The following SOS2 variants were observed in gnomAD, a reference collection of about 807,000 sequenced individuals.
The protein encoded by SOS2 is SOS Ras/Rho guanine nucleotide exchange factor 2, also known as son of sevenless homolog 2.
In SOS2, 65 loss-of-function variants were observed where a neutral mutation model predicts 148.2. The observed-to-expected ratio is 0.44, with a 90% confidence interval of 0.36 to 0.54. SOS2 has a LOEUF of 0.54. SOS2 is among the 20% of genes least tolerant of loss of function. SOS2 has a pLI of 0.00. For synonymous variants in SOS2, 539 were observed against 537.1 expected (o/e 1.00, Z -0.05); for missense variants, 1,341 against 1,590.2 (o/e 0.84, Z 2.67).
Position 50,159,672 on chromosome 14 carries a change from T to G in SOS2, c.1611A>C (p.Ala537=). ...TACGATAATGAAGAGAAATAAGGGC[T>G]GCCATCCAGTTGTTTTTTTCTTCAG... ...KSAEEKNNWM[A]ALISLHYRST... Residue 537 remains alanine (A), a synonymous_variant, in exon 10 of 23, where the codon GCA becomes GCC. Transcript: ENST00000216373. The G allele has an allele frequency of 6.2e-7, 1 of 1,614,100 alleles. No individual in the cohort carries two copies. Among genetic ancestry groups the G allele is most frequent in the Non-Finnish European group, 8.5e-7 (1 of 1,179,958 alleles).
At chr14:50,199,926 A>G (rs1886432689) in intron 3 of SOS2, 71 bp from the exon 4 acceptor site, 6 of 962,016 alleles carry the variant, frequency 6.2e-6, no homozygotes, top group Non-Finnish European at 7.8e-6. Flanking sequence ...AAAAATTCCT[A>G]TTTAACATCC....
intron 2 of SOS2, among the ~76,000 whole-genome samples, chr14:50,202,824 A>G (rs1226701852): frequency 6.6e-6 from 1 of 151,842 alleles, no homozygotes; most frequent in Non-Finnish European, 1.5e-5. Flanking sequence ...GAAAATCTTA[A>G]TAGCTCAATC....
At chr14:50,174,327 T>G (rs1048813189) in intron 8 of SOS2, 127 bp downstream of exon 8, 3 of 331,574 alleles carry the variant, frequency 9.0e-6, no homozygotes, top group Non-Finnish European at 1.5e-5. Context: ...ATGTTACATA[T>G]AAAAATTATT....
At chr14:50,211,586 G>A (rs960727869) in intron 1 of SOS2, among the ~76,000 whole-genome samples, 2 of 145,160 alleles carry the variant, frequency 1.4e-5, no homozygotes, top group Non-Finnish European at 3.0e-5. Context: ...CACTCAGGAG[G>A]GAAAATTTTA....
chr14:50,128,572 T>C (rs1266566962), intron 21 of SOS2, among the ~76,000 whole-genome samples: 1 of 152,116 alleles, frequency 6.6e-6, no homozygotes, highest in Admixed American at 6.5e-5. Context: ...GAAATTCTCA[T>C]CCACCATAAG....
chr14:50,132,424 G>T lies in SOS2; in HGVS notation c.3076-1662C>A, dbSNP rs1481011196. Among the ~76,000 whole-genome samples, 3 of 151,384 alleles carry T rather than the reference G, an allele frequency of 2.0e-5. No homozygotes were observed. In the East Asian group the frequency reaches 5.8e-4, roughly 29 times the overall value. On this transcript the variant is annotated intron_variant, in intron 19 of 22. Transcript: ENST00000216373. ...ACCTGTAATCCCATCACTTTGGGAG[G>T]TCGAGGCAGGTGGATCACTTGAGGT...
At chr14:50,207,162 C>T (rs772328595) in intron 1 of SOS2, among the ~76,000 whole-genome samples, 7 of 152,130 alleles carry the variant, frequency 4.6e-5, no homozygotes, top group Non-Finnish European at 8.8e-5. Flanking sequence ...AAGATACTCT[C>T]CAATTTATTT....
At chr14:50,211,394 G>C (rs901555339) in intron 1 of SOS2, among the ~76,000 whole-genome samples, 1 of 152,054 alleles carries the variant, frequency 6.6e-6, no homozygotes, top group Non-Finnish European at 1.5e-5. Flanking sequence ...GGTATATTGT[G>C]TCATGCTGAG....
chr14:50,134,238 C>G lies in SOS2; in HGVS notation c.2960G>C (p.Arg987Thr). Residue 987 changes from arginine (R) to threonine (T), a missense_variant and splice_region_variant, in exon 19 of 23, where the codon AGA becomes ACA. Transcript: ENST00000216373. ...YCLRIEPDMR[R>T]FFENLNPMGS... Reference sequence around the variant, plus strand: ...CATGGGGTTAAGGTTTTCAAAGAATCTCTGGAATTAAACAAATAACACAAG... The same window carrying G: ...CATGGGGTTAAGGTTTTCAAAGAATGTCTGGAATTAAACAAATAACACAAG... The G allele has an allele frequency of 7.0e-7, 1 of 1,421,132 alleles. No individual in the cohort carries two copies. Among genetic ancestry groups the G allele is most frequent in the Non-Finnish European group, 9.9e-7 (1 of 1,013,278 alleles). The allele number at this position is 1,421,132 out of a possible 1,614,324, so 88.0% of individuals were successfully genotyped here. A position where few individuals can be genotyped will look rare whatever the true frequency, so the allele number is the denominator to read the frequency against.
At chr14:50,160,124 G>C (rs1371954246) in intron 9 of SOS2, 38 bp from the exon 10 acceptor site, 1 of 1,482,606 alleles carries the variant, frequency 6.7e-7, no homozygotes, top group African/African-American at 1.4e-5. Context: ...TCAACAGCTA[G>C]CAACCCAAAT....
intron 5 of SOS2, 79 bp from the exon 6 acceptor site, chr14:50,182,685 A>G: frequency 9.1e-7 from 1 of 1,095,876 alleles, no homozygotes; most frequent in Non-Finnish European, 1.3e-6. Flanking sequence ...AGAGCAATAT[A>G]GGCTACTCGA....
rs937579825 is a variant in SOS2 at position 50,226,151 on chromosome 14, C to G, written c.87+5046G>C. Among the ~76,000 whole-genome samples the G allele has an allele frequency of 1.1e-4, 16 of 152,232 alleles. No individual in the cohort carries two copies. The South Asian group carries it at 1.5e-3, about 14-fold the overall frequency. Reference sequence around the variant, plus strand: ...TCTGCTACATCTTCCGTATCAAGAACAGTGTCTGCAGCCAGGCGACGTAGC... The same window carrying G: ...TCTGCTACATCTTCCGTATCAAGAAGAGTGTCTGCAGCCAGGCGACGTAGC... On this transcript the variant is annotated intron_variant, in intron 1 of 22. Coordinates refer to ENST00000216373, the MANE Select transcript of SOS2 (RefSeq NM_006939.4).
intron 16 of SOS2, among the ~76,000 whole-genome samples, chr14:50,143,609 T>A (rs1884368142): frequency 6.6e-6 from 1 of 152,016 alleles, no homozygotes; most frequent in East Asian, 1.9e-4. Flanking sequence ...GCCTGACTAA[T>A]TTTTGTACTT....
chr14:50,186,962 G>A (rs1180775940), intron 5 of SOS2, among the ~76,000 whole-genome samples: 1 of 152,204 alleles, frequency 6.6e-6, no homozygotes, highest in African/African-American at 2.4e-5. Flanking sequence ...TACTCACGAT[G>A]TAGTTATTTT....
chr14:50,145,877 G>C (rs934140131), intron 14 of SOS2, among the ~76,000 whole-genome samples: 5 of 152,194 alleles, frequency 3.3e-5, no homozygotes, highest in African/African-American at 1.2e-4. Context: ...GCTCATGCCT[G>C]TAATCCCAGC....
chr14:50,166,566 T>C (rs1215911898), intron 8 of SOS2, among the ~76,000 whole-genome samples: 1 of 152,164 alleles, frequency 6.6e-6, no homozygotes, highest in African/African-American at 2.4e-5. Flanking sequence ...CTGAAGAATA[T>C]ATTCCTTGCT....
chr14:50,208,508 T>A (rs1472540800), intron 1 of SOS2, among the ~76,000 whole-genome samples: 1 of 150,252 alleles, frequency 6.7e-6, no homozygotes, highest in Non-Finnish European at 1.5e-5. Context: ...AATTAGCCGG[T>A]GTGGTGGCAG....
chr14:50,130,958 T>C (rs1252893485), intron 19 of SOS2, among the ~76,000 whole-genome samples, 196 bp from the exon 20 acceptor site: 1 of 152,158 alleles, frequency 6.6e-6, no homozygotes, highest in Non-Finnish European at 1.5e-5. Context: ...TTAAAATGAA[T>C]TGGAATATAA....
At chr14:50,206,407 T>C (rs543641178) in intron 1 of SOS2, among the ~76,000 whole-genome samples, 146 of 152,306 alleles carry the variant, frequency 9.6e-4, no homozygotes, top group Middle Eastern at 3.4e-3. Context: ...TATATAATGG[T>C]GTAACACTGT....
Sources: allele counts gnomAD v4.1 joint callset (sites outside exome capture counted in the v4.1 genomes callset), GRCh38; gene constraint gnomAD v4.1.1; transcripts MANE v1.5; gene names NCBI Gene and HGNC (gene_info 2026-07-23, HGNC 2026-07-21).